Variants in TMEM230 observed in about 807,000 individuals in gnomAD.
TMEM230 encodes the protein UPF0414 transmembrane protein C20orf30.
Under a neutral mutation model 15.8 loss-of-function variants are expected in TMEM230, and 10 were observed. The observed-to-expected ratio is 0.63, with a 90% CI of 0.39 to 1.07. The LOEUF is 1.07. Ranked by LOEUF, TMEM230 falls within the 50% of genes least tolerant of loss-of-function variation. The pLI is 0.01. For missense variants in TMEM230, 165 were observed against 193.3 expected (o/e 0.85, Z 0.87); for synonymous variants, 67 against 76.9 (o/e 0.87, Z 0.68).
intron 3 of TMEM230, among the ~76,000 whole-genome samples, chr20:5,086,084 A>G (rs1161318434): frequency 8.6e-5 from 13 of 151,878 alleles, no homozygotes; most frequent in Admixed American, 8.5e-4. Context: ...TATGTATTAT[A>G]GTTCACAATG....
intron 3 of TMEM230, among the ~76,000 whole-genome samples, chr20:5,092,729 A>G: frequency 6.6e-6 from 1 of 152,036 alleles, no homozygotes; most frequent in Non-Finnish European, 1.5e-5. Context: ...AAAAAAAAAA[A>G]AAAGAGAGAG....
downstream of TMEM230, among the ~76,000 whole-genome samples, chr20:5,066,756 A>G (rs1428649320): frequency 1.3e-5 from 2 of 151,798 alleles, no homozygotes; most frequent in Non-Finnish European, 2.9e-5. Flanking sequence ...ACGAGGTCAC[A>G]CCTTGACTGT....
At chr20:5,072,674 C>A (rs1173514771) in intron 3 of TMEM230, among the ~76,000 whole-genome samples, 6 of 151,716 alleles carry the variant, frequency 4.0e-5, no homozygotes, top group Admixed American at 3.9e-4. Flanking sequence ...TATGGTGAAA[C>A]CCTGTCTCTA....
chr20:5,112,972 G>A lies in TMEM230; in HGVS notation c.57C>T (p.Gly19=). ...CACACACGCCTTACCGGAGCGCCGC[G>A]CCAGGCCGCCCGCACACCCAGAGCT... Residue 19 remains glycine, a synonymous_variant, in exon 1 of 5, where the codon GGC becomes GGT. Coordinates refer to ENST00000342308, the MANE Select transcript of TMEM230 (RefSeq NM_001009923.2). The A allele has an allele frequency of 6.5e-7, 1 of 1,550,372 alleles. No homozygotes were observed. Among genetic ancestry groups the A allele is most frequent in the South Asian group, 1.2e-5 (1 of 84,084 alleles).
At chr20:5,068,228 A>ACTGTGTGTC (rs1248835767), downstream of TMEM230, 1 of 152,238 alleles carries the variant, frequency 6.6e-6, no homozygotes, top group African/African-American at 2.4e-5. Context: ...GTTTTCTCCA[A>ACTGTGTGTC]CAACTTCCAC....
At position 5,100,949 on chromosome 20, in the gene TMEM230, C is replaced by A. The variant is rs1278496484; in HGVS notation, c.412-18G>T. On this transcript the variant is annotated intron_variant, in intron 4 of 4. Transcript: ENST00000342308. ...TCTGCCCCCTGGTGGCAGAAGGAGG[C>A]AAACACATTAGTACCGTAAGAGTTA... 7 of 1,613,682 alleles carry A rather than the reference C, an allele frequency of 4.3e-6. No individual in the cohort carries two copies. The highest frequency in any genetic ancestry group is 2.5e-6 in the Non-Finnish European group (3 of 1,179,872).
intron 3 of TMEM230, among the ~76,000 whole-genome samples, 154 bp from the exon 3 acceptor site, chr20:5,106,464 C>T (rs537820963): frequency 2.0e-5 from 3 of 152,250 alleles, no homozygotes; most frequent in South Asian, 2.1e-4. Flanking sequence ...AGAGCAATGG[C>T]GTGATCTTGG....
chr20:5,095,418 C>T (rs1196998401), downstream of TMEM230, among the ~76,000 whole-genome samples: 3 of 152,204 alleles, frequency 2.0e-5, no homozygotes, highest in Admixed American at 6.5e-5. Context: ...CGACCTTCCT[C>T]ATCTTTGGGA....
chr20:5,076,811 G>A (rs957222478), intron 3 of TMEM230, among the ~76,000 whole-genome samples: 4 of 149,992 alleles, frequency 2.7e-5, no homozygotes, highest in Non-Finnish European at 5.9e-5. Context: ...CAGAGTAGCT[G>A]GGATTACAGG....
At chr20:5,085,887 T>A (rs1007032179) in intron 3 of TMEM230, among the ~76,000 whole-genome samples, 1 of 152,032 alleles carries the variant, frequency 6.6e-6, no homozygotes, top group Admixed American at 6.6e-5. Flanking sequence ...TGTTACAACC[T>A]CTTAGCCATA....
chr20:5,106,239 G>A lies in TMEM230; in HGVS notation c.360C>T (p.Ala120=). Residue 120 remains alanine, a synonymous_variant, in exon 4 of 5, where the codon GCC becomes GCT. Coordinates refer to ENST00000342308, the MANE Select transcript of TMEM230 (RefSeq NM_001009923.2). ...GGAGGGAGCCTATAATAATGAGAAAGGCGCCAATCAAAAACAGCACAGTGG... is the reference window on the plus strand; with the variant it reads ...GGAGGGAGCCTATAATAATGAGAAAAGCGCCAATCAAAAACAGCACAGTGG... The A allele has an allele frequency of 6.2e-7, 1 of 1,614,052 alleles. No individual in the cohort carries two copies. The highest frequency in any genetic ancestry group is 1.3e-5 in the African/African-American group (1 of 75,032).
the TMEM230 span, among the ~76,000 whole-genome samples, chr20:5,059,808 C>T: frequency 7.6e-6 from 1 of 130,902 alleles, no homozygotes; most frequent in East Asian, 2.4e-4. Flanking sequence ...CAGAGTCTCG[C>T]TCTGTCGCCC....
intron 3 of TMEM230, among the ~76,000 whole-genome samples, chr20:5,073,199 C>A (rs2088883905): frequency 6.6e-6 from 1 of 152,130 alleles, no homozygotes. Context: ...CACACTATCA[C>A]CCTGGTAAAT....
At chr20:5,094,578 G>A (rs1600350061) in intron 3 of TMEM230, among the ~76,000 whole-genome samples, 2 of 151,460 alleles carry the variant, frequency 1.3e-5, no homozygotes, top group African/African-American at 4.8e-5. Flanking sequence ...GTGGTGGCAC[G>A]TGCCTGTAAT....
chr20:5,078,122 T>G (rs1406564979), intron 3 of TMEM230, among the ~76,000 whole-genome samples: 1 of 152,102 alleles, frequency 6.6e-6, no homozygotes, highest in Non-Finnish European at 1.5e-5. Flanking sequence ...TGCAGACATG[T>G]CAATTAGACA....
At chr20:5,098,447 G>A (rs1340139090), downstream of TMEM230, 2 of 152,152 alleles carry the variant, frequency 1.3e-5, no homozygotes, top group Non-Finnish European at 2.9e-5. Context: ...AGATGAGGTC[G>A]GGAGCATTCA....
At position 5,071,627 on chromosome 20, in the gene TMEM230, A is replaced by G. The variant is rs555675399; in HGVS notation, c.223-2278T>C. Among the ~76,000 whole-genome samples the G allele has an allele frequency of 2.3e-4, 4 of 17,156 alleles. No individual in the cohort carries two copies. In the East Asian group the frequency reaches 0.014, roughly 62 times the overall value. The allele number at this position is 17,156 out of a possible 152,430, so 11.3% of individuals were successfully genotyped here. On this transcript the variant is annotated intron_variant, in intron 3 of 3. Transcript: ENST00000612323. ...AACAAGAGCGAAACTCCGTCTCAAAAAAAAAAAAAAACAAAAAGGGTACAT... is the reference window on the plus strand; with the variant it reads ...AACAAGAGCGAAACTCCGTCTCAAAGAAAAAAAAAAACAAAAAGGGTACAT...
chr20:5,077,425 C>A (rs1480869189), intron 3 of TMEM230, among the ~76,000 whole-genome samples: 1 of 152,132 alleles, frequency 6.6e-6, no homozygotes, highest in East Asian at 1.9e-4. Context: ...TGGTCCTTGG[C>A]CTGGTGTGGT....
At chr20:5,104,888 T>G (rs1236001922) in intron 4 of TMEM230, among the ~76,000 whole-genome samples, 1 of 152,124 alleles carries the variant, frequency 6.6e-6, no homozygotes, top group Non-Finnish European at 1.5e-5. Context: ...TAGGGGGGAA[T>G]GGGGAAGGTT....
Sources: gnomAD v4.1 joint callset for allele counts (sites outside exome capture counted in the v4.1 genomes callset) on GRCh38, gnomAD v4.1.1 for gene constraint, MANE v1.5 for transcripts, NCBI Gene and HGNC (gene_info 2026-07-23, HGNC 2026-07-21) for gene names.